CSMD3: variants seen among roughly 807,000 people sequenced by gnomAD.
The protein encoded by CSMD3 is CUB and sushi domain-containing protein 3.
In CSMD3, 177 loss-of-function variants were observed where a neutral mutation model predicts 435.2. The ratio of observed to expected loss-of-function variants is 0.41; its 90% CI spans 0.36 to 0.46. The LOEUF is 0.46. Among genes scored for constraint, CSMD3 ranks in the 20% least tolerant of loss-of-function variants. CSMD3 has a pLI of 0.34. For synonymous variants in CSMD3, 1,656 were observed against 1,520.5 expected (o/e 1.09, Z -2.07); for missense variants, 4,265 against 4,504.6 (o/e 0.95, Z 1.52).
At chr8:112,491,075 T>C (rs2130844461) in intron 31 of CSMD3, among the ~76,000 whole-genome samples, 1 of 152,304 alleles carries the variant, frequency 6.6e-6, no homozygotes, top group Non-Finnish European at 1.5e-5. Flanking sequence ...ATGTTAATCA[T>C]CTCTATTTCA....
At chr8:112,440,632 GGTGTTCCCA>G (rs201515791) in intron 32 of CSMD3, among the ~76,000 whole-genome samples, 1,795 of 152,314 alleles carry the variant, frequency 0.012, 29 homozygotes, top group African/African-American at 0.041. Context: ...CAGACGATCA[GGTGTTCCCA>G]CACATCCTCT....
intron 1 of CSMD3, among the ~76,000 whole-genome samples, chr8:113,328,437 CAAA>C (rs1192557099): frequency 1.1e-4 from 7 of 63,032 alleles, no homozygotes; most frequent in Non-Finnish European, 6.8e-5. Context: ...GACTCCGTCT[CAAA>C]AAAAAAAAAA....
chr8:112,809,135 A>G lies in CSMD3; in HGVS notation c.1860-8861T>C, dbSNP rs1448456636. 3.3e-5 allele frequency among the ~76,000 whole-genome samples: 5 copies of G among 152,260 alleles called. No homozygotes were observed. In the East Asian group the frequency reaches 9.7e-4, roughly 29 times the overall value. On this transcript the variant is annotated intron_variant, in intron 12 of 70. Transcript: ENST00000297405. ...AGTCAGAAACCATGTCCTGTGCCCA[A>G]TTTAACTGAATTCTCTCTTAATCAT...
intron 37 of CSMD3, among the ~76,000 whole-genome samples, chr8:112,381,116 A>G (rs1829428173): frequency 6.6e-6 from 1 of 152,192 alleles, no homozygotes; most frequent in South Asian, 2.1e-4. Flanking sequence ...CAGATAATAT[A>G]GTCATTGATT....
chr8:113,306,461 C>A (rs1304657830), intron 2 of CSMD3, among the ~76,000 whole-genome samples: 2 of 152,038 alleles, frequency 1.3e-5, no homozygotes, highest in Admixed American at 1.3e-4. Flanking sequence ...AATAAAACTA[C>A]CCTCTGGTCA....
chr8:112,397,568 T>C (rs1158562276), intron 35 of CSMD3, among the ~76,000 whole-genome samples: 1 of 152,178 alleles, frequency 6.6e-6, no homozygotes, highest in African/African-American at 2.4e-5. Flanking sequence ...AAGTCAGCAC[T>C]GGTAGATTTG....
At chr8:113,357,630 T>A (rs943901153) in intron 1 of CSMD3, among the ~76,000 whole-genome samples, 1 of 152,208 alleles carries the variant, frequency 6.6e-6, no homozygotes, top group African/African-American at 2.4e-5. Flanking sequence ...TATGATATGG[T>A]TTGGCTTGTG....
intron 61 of CSMD3, among the ~76,000 whole-genome samples, chr8:112,257,687 G>A (rs1443494750): frequency 6.6e-6 from 1 of 152,136 alleles, no homozygotes; most frequent in Non-Finnish European, 1.5e-5. Flanking sequence ...AATTAATATT[G>A]TAAAAATGGC....
At chr8:112,279,013 AAACAACAACAACAAC>A (rs200149218) in intron 59 of CSMD3, among the ~76,000 whole-genome samples, 96 of 119,232 alleles carry the variant, frequency 8.1e-4, no homozygotes, top group Non-Finnish European at 3.5e-4. Flanking sequence ...CACCCCCAAA[AAACAACAACAACAAC>A]AACAACAACA....
At chr8:113,324,072 T>C (rs1249048137) in intron 1 of CSMD3, among the ~76,000 whole-genome samples, 3 of 152,158 alleles carry the variant, frequency 2.0e-5, no homozygotes. Flanking sequence ...CAGCAAAGCA[T>C]TCAAGAGGTG....
At chr8:112,642,619 T>C (rs2074863828) in intron 20 of CSMD3, among the ~76,000 whole-genome samples, 1 of 152,160 alleles carries the variant, frequency 6.6e-6, no homozygotes, top group African/African-American at 2.4e-5. Flanking sequence ...AATGTAAATG[T>C]AAATGAAATG....
At chr8:112,420,816 T>G (rs1030043249) in intron 32 of CSMD3, among the ~76,000 whole-genome samples, 1 of 152,166 alleles carries the variant, frequency 6.6e-6, no homozygotes, top group Non-Finnish European at 1.5e-5. Flanking sequence ...CTACTTCAGT[T>G]AGAGAAGTTT....
intron 1 of CSMD3, among the ~76,000 whole-genome samples, chr8:113,403,750 T>A (rs543839611): frequency 6.6e-6 from 1 of 151,626 alleles, no homozygotes; most frequent in South Asian, 2.1e-4. Context: ...ATCTCACCAA[T>A]CAGGCTACAT....
chr8:112,691,274 T>C (rs1426233764), intron 13 of CSMD3, among the ~76,000 whole-genome samples: 1 of 152,146 alleles, frequency 6.6e-6, no homozygotes, highest in Non-Finnish European at 1.5e-5. Flanking sequence ...TATATTTTCT[T>C]AGACTTTTTT....
At chr8:113,348,505 T>C (rs1238856811) in intron 1 of CSMD3, among the ~76,000 whole-genome samples, 1 of 152,080 alleles carries the variant, frequency 6.6e-6, no homozygotes, top group African/African-American at 2.4e-5. Flanking sequence ...GAAACCCAGC[T>C]TTGAGAAGCA....
intron 32 of CSMD3, among the ~76,000 whole-genome samples, chr8:112,448,765 A>AAC (rs1046258139): frequency 6.6e-6 from 1 of 151,764 alleles, no homozygotes; most frequent in African/African-American, 2.4e-5. Context: ...TAAAAAAAAA[A>AAC]AAAAAAAAAA....
At position 112,228,857 on chromosome 8, in the gene CSMD3, A is replaced by G. The variant is rs777266971; in HGVS notation, c.10863T>C (p.Asn3621=). The change falls in exon 70 of 71, where the codon AAT becomes AAC. Residue 3621 remains asparagine (N), a synonymous_variant. Coordinates refer to ENST00000297405, the MANE Select transcript of CSMD3 (RefSeq NM_198123.2). Reference sequence around the variant, plus strand: ...AACTACTATTTGTACCATGAGGTTGATTTGAAGAATTTGAACCTTCTGACA... The same window carrying G: ...AACTACTATTTGTACCATGAGGTTGGTTTGAAGAATTTGAACCTTCTGACA... The part of the protein sequence containing the change: ...LNMSEGSNSS[N]QPHGTNSSSV... 3.2e-6 allele frequency: 5 copies of G among 1,580,958 alleles called. No individual in the cohort carries two copies. Among genetic ancestry groups the G allele is most frequent in the Non-Finnish European group, 4.3e-6 (5 of 1,150,938 alleles).
At chr8:113,317,180 C>CA (rs2093916803) in intron 1 of CSMD3, among the ~76,000 whole-genome samples, 1 of 151,982 alleles carries the variant, frequency 6.6e-6, no homozygotes. Context: ...TTATGATTTT[C>CA]AAAAATAAAT....
chr8:113,375,536 C>CACAAACACACAT (rs1554623684), intron 1 of CSMD3, among the ~76,000 whole-genome samples: 1 of 150,426 alleles, frequency 6.6e-6, no homozygotes, highest in South Asian at 2.1e-4. Context: ...CACACACACA[C>CACAAACACACAT]ACACACACAC....
Sources: allele counts gnomAD v4.1 joint callset (sites outside exome capture counted in the v4.1 genomes callset), GRCh38; gene constraint gnomAD v4.1.1; transcripts MANE v1.5; gene names NCBI Gene and HGNC (gene_info 2026-07-23, HGNC 2026-07-21).